NDST3: variants seen among roughly 807,000 people sequenced by gnomAD.
The protein encoded by NDST3 is N-deacetylase and N-sulfotransferase 3, also known as bifunctional heparan sulfate N-deacetylase/N-sulfotransferase 3.
A neutral mutation model predicts 96.1 loss-of-function variants in NDST3; 58 were observed. The ratio of observed to expected loss-of-function variants is 0.60; its 90% CI spans 0.49 to 0.75. NDST3 has a LOEUF of 0.75. Ranked by LOEUF, NDST3 falls within the 30% of genes least tolerant of loss-of-function variation. The pLI is 0.00. For missense variants in NDST3, 788 were observed against 1,034.2 expected, an observed-to-expected ratio of 0.76 and a Z score of 3.27; for synonymous variants, 333 against 359.7, an observed-to-expected ratio of 0.93 and a Z score of 0.84.
chr4:118,171,028 T>A (rs1735914364), intron 6 of NDST3, among the ~76,000 whole-genome samples: 1 of 152,196 alleles, frequency 6.6e-6, no homozygotes, highest in Non-Finnish European at 1.5e-5. Flanking sequence ...AAACAGCAAG[T>A]ACAAAACCCC....
intron 11 of NDST3, among the ~76,000 whole-genome samples, chr4:118,241,138 CCCTCATGGGAT>C (rs1740979621): frequency 6.6e-6 from 1 of 152,128 alleles, no homozygotes; most frequent in African/African-American, 2.4e-5. Flanking sequence ...CAAAATCAGC[CCCTCATGGGAT>C]CATGTAAGCA....
intron 7 of NDST3, among the ~76,000 whole-genome samples, chr4:118,225,845 G>A (rs1205980875): frequency 2.6e-5 from 4 of 152,086 alleles, no homozygotes; most frequent in South Asian, 2.1e-4. Flanking sequence ...TTACTTTTCC[G>A]TTGTTTTAAC....
At chr4:118,085,002 T>C (rs963172556) in intron 2 of NDST3, among the ~76,000 whole-genome samples, 1 of 152,078 alleles carries the variant, frequency 6.6e-6, no homozygotes, top group Admixed American at 6.5e-5. Context: ...CAGGCACCTG[T>C]AGTCCCAGGT....
intron 8 of NDST3, among the ~76,000 whole-genome samples, chr4:118,228,821 A>G (rs1740080754): frequency 6.6e-6 from 1 of 152,184 alleles, no homozygotes; most frequent in East Asian, 1.9e-4. Flanking sequence ...AGAACTTCAC[A>G]TAAATGGAAG....
At chr4:118,090,875 G>A (rs775350802) in intron 2 of NDST3, among the ~76,000 whole-genome samples, 3 of 151,760 alleles carry the variant, frequency 2.0e-5, no homozygotes, top group South Asian at 2.1e-4. Flanking sequence ...GGGTCTGATT[G>A]GATGAGATGT....
intron 2 of NDST3, among the ~76,000 whole-genome samples, chr4:118,081,732 C>G (rs188642300): frequency 1.1e-3 from 174 of 152,288 alleles, no homozygotes; most frequent in African/African-American, 4.0e-3. Flanking sequence ...TCTTTACTTC[C>G]TGATGCTTGT....
intron 2 of NDST3, among the ~76,000 whole-genome samples, 163 bp from the exon 3 acceptor site, chr4:118,104,855 G>A (rs1730040181): frequency 1.3e-5 from 2 of 152,150 alleles, no homozygotes; most frequent in Admixed American, 6.5e-5. Flanking sequence ...AAACTCAAAA[G>A]TATCTCTCTA....
intron 2 of NDST3, among the ~76,000 whole-genome samples, chr4:118,068,604 G>A (rs1184185599): frequency 2.6e-5 from 4 of 151,914 alleles, no homozygotes; most frequent in African/African-American, 4.8e-5. Context: ...AAAGATTTTT[G>A]TCTTGGTAGA....
At chr4:118,175,205 C>T (rs1437420850) in intron 6 of NDST3, among the ~76,000 whole-genome samples, 2 of 152,010 alleles carry the variant, frequency 1.3e-5, no homozygotes, top group Non-Finnish European at 2.9e-5. Context: ...ATCTTTCTGC[C>T]TTTTTCACTT....
At chr4:118,135,056 C>G (rs1732958854) in intron 4 of NDST3, among the ~76,000 whole-genome samples, 1 of 152,220 alleles carries the variant, frequency 6.6e-6, no homozygotes, top group South Asian at 2.1e-4. Flanking sequence ...CCGGATCACA[C>G]TACCTGCAAT....
In NDST3 at chr4:118,194,205, C is replaced by T; in HGVS notation, c.1540-30286C>T. The T allele has an allele frequency of 4.0e-6, 3 of 752,946 alleles. No homozygotes were observed. The East Asian group carries it at 7.3e-5, about 18-fold the overall frequency. 46.6% of individuals were successfully genotyped at this position (752,946 alleles called of 1,614,324 possible). On this transcript the variant is annotated intron_variant, in intron 6 of 13. Coordinates refer to ENST00000296499, the MANE Select transcript of NDST3 (RefSeq NM_004784.3). ...GGCAGATCCAGATTCTCCTGATGTT[C>T]AAAGAACTAGTCCTTGTAGCACCCT...
At chr4:118,156,149 T>C (rs1193436607) in intron 6 of NDST3, among the ~76,000 whole-genome samples, 1 of 152,182 alleles carries the variant, frequency 6.6e-6, no homozygotes, top group African/African-American at 2.4e-5. Context: ...ATTTCTTATA[T>C]GCACCTTTCA....
chr4:118,096,659 G>GTAGATAGA (rs56067967), intron 2 of NDST3, among the ~76,000 whole-genome samples: 5,877 of 144,880 alleles, frequency 0.041, 147 homozygotes, highest in East Asian at 0.058. Flanking sequence ...TATGGCTAGA[G>GTAGATAGA]TAGATAGATA....
In NDST3 at chr4:118,105,104, A is replaced by G; in HGVS notation, c.1068A>G (p.Thr356=). 1 of 1,609,630 alleles carries G rather than the reference A, an allele frequency of 6.2e-7. No individual in the cohort carries two copies. Among genetic ancestry groups the G allele is most frequent in the Non-Finnish European group, 8.5e-7 (1 of 1,176,110 alleles). Residue 356 remains threonine (T), a splice_region_variant and synonymous_variant, in exon 3 of 14, where the codon ACA becomes ACG. Coordinates refer to ENST00000296499, the MANE Select transcript of NDST3 (RefSeq NM_004784.3). ...NLGFSGKFYH[T]GTEEEDEGDD... ...GATTTTCAGGGAAATTTTACCATAC[A>G]GGTAAGAAAAAGGGATTAACTGTTC...
intron 6 of NDST3, among the ~76,000 whole-genome samples, chr4:118,201,749 G>T (rs904357100): frequency 1.3e-5 from 2 of 152,074 alleles, no homozygotes; most frequent in African/African-American, 4.8e-5. Context: ...TGTTTGCTTT[G>T]TTCATAGTTT....
intron 6 of NDST3, among the ~76,000 whole-genome samples, chr4:118,162,971 A>G (rs1735277667): frequency 6.7e-6 from 1 of 150,138 alleles, no homozygotes; most frequent in Admixed American, 6.6e-5. Context: ...AAAAGAAGAC[A>G]TTTATGCAGC....
chr4:118,045,497 A>G (rs1483637209), intron 1 of NDST3, among the ~76,000 whole-genome samples: 1 of 152,236 alleles, frequency 6.6e-6, no homozygotes, highest in Non-Finnish European at 1.5e-5. Context: ...TGACATATAT[A>G]CCCTAAATAT....
At chr4:118,138,766 C>T (rs980778223) in intron 5 of NDST3, among the ~76,000 whole-genome samples, 2 of 152,170 alleles carry the variant, frequency 1.3e-5, no homozygotes, top group African/African-American at 2.4e-5. Flanking sequence ...TTTGCATACA[C>T]CATCTAATTC....
chr4:118,182,606 G>T (rs1170554107), intron 6 of NDST3, among the ~76,000 whole-genome samples: 1 of 152,112 alleles, frequency 6.6e-6, no homozygotes, highest in Non-Finnish European at 1.5e-5. Context: ...GAATTGAAAT[G>T]ATCAAAGGAA....
Sources: allele counts gnomAD v4.1 joint callset (sites outside exome capture counted in the v4.1 genomes callset), GRCh38; gene constraint gnomAD v4.1.1; transcripts MANE v1.5; gene names NCBI Gene and HGNC (gene_info 2026-07-23, HGNC 2026-07-21).